The following SLC5A10 variants were observed in gnomAD, a reference collection of about 807,000 sequenced individuals.
SLC5A10 encodes sodium/mannose cotransporter SLC5A10.
Under a neutral mutation model 68.9 loss-of-function variants are expected in SLC5A10, and 55 were observed. The observed-to-expected ratio is 0.80, with a 90% confidence interval of 0.64 to 1.00. The LOEUF (loss-of-function observed/expected upper bound fraction) is 1.00, where lower values mean the gene tolerates loss of function less well. SLC5A10 is among the 50% of genes least tolerant of loss of function. The probability of loss-of-function intolerance (pLI) is 0.00; values close to 1 mark genes in which losing one functional copy is unlikely to be tolerated. For synonymous variants in SLC5A10, 344 were observed against 344.8 expected (o/e 1.00, Z 0.02); for missense variants, 732 against 819.3 (o/e 0.89, Z 1.30).
chr17:18,961,531 G>C (rs527332180), intron 5 of SLC5A10, among the ~76,000 whole-genome samples: 1 of 152,328 alleles, frequency 6.6e-6, no homozygotes, highest in Admixed American at 6.5e-5. Flanking sequence ...GTGTCTGCGG[G>C]AAGTGCTCTG....
Position 19,020,342 on chromosome 17 carries a change from C to A in SLC5A10, c.1702C>A (p.Gln568Lys), listed in dbSNP as rs2044242062. The change falls in exon 15 of 15, where the codon CAG (glutamine) becomes AAG (lysine). Residue 568 changes from glutamine (Q) to lysine (K), a missense_variant. Physicochemically the swap from Gln to Lys is moderately conservative, Grantham distance 53. Coordinates refer to ENST00000395645, the MANE Select transcript of SLC5A10 (RefSeq NM_001042450.4). ...CCCTCCAGGTGATGGCCAAACACCC[C>A]AGAAACACGCCTTCTGGGCCCGTGT... Reference protein sequence around the residue: ...GTKAGDGQTPQKHAFWARVCG... With the variant: ...GTKAGDGQTPKKHAFWARVCG... The A allele has an allele frequency of 1.2e-6, 2 of 1,614,074 alleles. No homozygotes were observed. The highest frequency in any genetic ancestry group is 1.7e-5 in the Admixed American group (1 of 60,010).
In SLC5A10 at chr17:18,960,631, GTCTGTCTTCACCAAGATA is replaced by G. The variant is rs1005723053; in HGVS notation, c.435_452del (p.Val146_Ser151del). 6.8e-6 allele frequency: 11 copies of G among 1,613,862 alleles called. No individual in the cohort carries two copies. In the African/African-American group the frequency reaches 1.5e-4, roughly 22 times the overall value. ...ACCTGTCTGTCCTGTCCCTGCTACTGTCTGTCTTCACCAAGATATCGGTGAGCTGCCCCCGGCTCCCTG... is the reference window on the plus strand; with the variant it reads ...ACCTGTCTGTCCTGTCCCTGCTACTGTCGGTGAGCTGCCCCCGGCTCCCTG... On this transcript the variant is annotated inframe_deletion, in exon 5 of 15. Transcript: ENST00000395645.
intron 9 of SLC5A10, chr17:18,986,361 A>C (rs1167228097): frequency 6.6e-6 from 1 of 152,190 alleles, no homozygotes; most frequent in Non-Finnish European, 1.5e-5. Flanking sequence ...GTAGTTGTTT[A>C]TTATTTGCTG....
At chr17:19,009,398 T>A (rs1402486300) in intron 9 of SLC5A10, among the ~76,000 whole-genome samples, 1 of 151,576 alleles carries the variant, frequency 6.6e-6, no homozygotes, top group African/African-American at 2.4e-5. Flanking sequence ...GGCTTTGTTG[T>A]TTAATTGAGA....
intron 9 of SLC5A10, chr17:18,988,445 C>CA (rs772958020): frequency 1.2e-6 from 2 of 1,611,346 alleles, no homozygotes; most frequent in Middle Eastern, 1.7e-4. Context: ...TAGGGCCTGT[C>CA]AGACAGTGCA....
intron 5 of SLC5A10, among the ~76,000 whole-genome samples, chr17:18,963,378 G>T (rs533306882): frequency 6.6e-6 from 1 of 152,200 alleles, no homozygotes; most frequent in Non-Finnish European, 1.5e-5. Context: ...CAGCCAGGAC[G>T]TGGCCTTTCA....
intron 9 of SLC5A10, 114 bp downstream of exon 9, chr17:18,977,103 A>C: frequency 1.4e-6 from 2 of 1,450,862 alleles, no homozygotes; most frequent in Non-Finnish European, 1.9e-6. Flanking sequence ...ACTGTTCCCC[A>C]ACCTGGGGAG....
At chr17:18,951,968 C>A, upstream of SLC5A10, 1 of 503,720 alleles carries the variant, frequency 2.0e-6, no homozygotes, top group Non-Finnish European at 3.4e-6. Flanking sequence ...TTTCCTCCTC[C>A]CACTTGCTTC....
chr17:18,987,407 G>A (rs1357881410), intron 9 of SLC5A10, among the ~76,000 whole-genome samples: 1 of 152,230 alleles, frequency 6.6e-6, no homozygotes, highest in African/African-American at 2.4e-5. Context: ...TGCAAGAGAA[G>A]TATTCGCCGT....
intron 11 of SLC5A10, among the ~76,000 whole-genome samples, chr17:19,015,852 T>C (rs1000612309): frequency 6.6e-6 from 1 of 152,152 alleles, no homozygotes; most frequent in East Asian, 1.9e-4. Context: ...TCTCCAAATA[T>C]CTGGGCGCTT....
chr17:18,991,893 G>C (rs1407547411), intron 9 of SLC5A10, among the ~76,000 whole-genome samples: 1 of 152,206 alleles, frequency 6.6e-6, no homozygotes, highest in African/African-American at 2.4e-5. Context: ...CAATGCCCAA[G>C]ACAACCATCT....
intron 5 of SLC5A10, among the ~76,000 whole-genome samples, chr17:18,963,581 C>A (rs538020685): frequency 2.6e-5 from 4 of 152,374 alleles, no homozygotes; most frequent in African/African-American, 9.6e-5. Flanking sequence ...GAAGTGCACG[C>A]GCCCAGGCGG....
Position 18,971,402 on chromosome 17 carries a change from G to C in SLC5A10, c.846+184G>C, listed in dbSNP as rs757798834. 3.1e-6 allele frequency: 5 copies of C among 1,613,704 alleles called. No individual in the cohort carries two copies. In the South Asian group the frequency reaches 3.3e-5, roughly 11 times the overall value. On this transcript the variant is annotated intron_variant, in intron 8 of 14. Transcript: ENST00000395645. The surrounding 1 kb of genome is among the most constrained non-coding windows in gnomAD (Gnocchi z 5.5). The stretch of plus-strand genomic sequence containing the variant: ...CCGGGGGGCTTGAGCCCTCCGTTTA[G>C]AATCCGATGAGGCCCACTGGCTACC...
chr17:19,005,956 C>T (rs76319158), intron 9 of SLC5A10, among the ~76,000 whole-genome samples: 7,904 of 152,282 alleles, frequency 0.052, 282 homozygotes, highest in African/African-American at 0.09. Flanking sequence ...TTTATAGCCC[C>T]TCTGCTACTG....
chr17:19,019,204 G>T (rs1419748180), intron 11 of SLC5A10: 1 of 583,150 alleles, frequency 1.7e-6, no homozygotes, highest in Non-Finnish European at 3.0e-6. Context: ...AGCACTTAGA[G>T]TCAGGAGCTG....
rs749955837 is a variant in SLC5A10 at position 18,959,244 on chromosome 17, G to A, written c.288+5G>A. 3.1e-6 allele frequency: 5 copies of A among 1,612,778 alleles called. No individual in the cohort carries two copies. Among genetic ancestry groups the A allele is most frequent in the Non-Finnish European group, 3.4e-6 (4 of 1,179,874 alleles). Reference sequence around the variant, plus strand: ...GTGGCAGGCTTCGAGTGGAATGTGAGTCCTGGAGGACTGGCGGCCTGTGGG... The same window carrying A: ...GTGGCAGGCTTCGAGTGGAATGTGAATCCTGGAGGACTGGCGGCCTGTGGG... On this transcript the variant is annotated splice_donor_5th_base_variant and intron_variant, in intron 3 of 14. Coordinates refer to ENST00000395645, the MANE Select transcript of SLC5A10 (RefSeq NM_001042450.4).
At chr17:18,960,009 G>A (rs1288393255) in intron 4 of SLC5A10, among the ~76,000 whole-genome samples, 1 of 152,056 alleles carries the variant, frequency 6.6e-6, no homozygotes, top group Non-Finnish European at 1.5e-5. Flanking sequence ...CCACACACCT[G>A]GGTAGCATAC....
At chr17:18,956,842 T>C (rs1404419620) in intron 1 of SLC5A10, among the ~76,000 whole-genome samples, 19 of 152,160 alleles carry the variant, frequency 1.2e-4, no homozygotes, top group Non-Finnish European at 1.5e-5. Flanking sequence ...ATGTACTCAC[T>C]GACCCTTATC....
chr17:18,977,314 C>A, intron 9 of SLC5A10: 1 of 580,056 alleles, frequency 1.7e-6, no homozygotes, highest in Non-Finnish European at 3.0e-6. Flanking sequence ...TAACCACAGG[C>A]TTTGGAGACC....
Sources: allele counts gnomAD v4.1 joint callset (sites outside exome capture counted in the v4.1 genomes callset), GRCh38; gene constraint gnomAD v4.1.1; non-coding constraint Gnocchi (gnomAD v3.1); transcripts MANE v1.5; gene names NCBI Gene and HGNC (gene_info 2026-07-23, HGNC 2026-07-21).